SERINC5: variants seen among roughly 807,000 people sequenced by gnomAD.
SERINC5 encodes the protein serine incorporator 5, also known as chromosome 5 open reading frame 12.
In SERINC5, 41 loss-of-function variants were observed where a neutral mutation model predicts 63.1. The ratio of observed to expected loss-of-function variants is 0.65; its 90% CI spans 0.51 to 0.84. The LOEUF (loss-of-function observed/expected upper bound fraction) is 0.84, where lower values mean the gene tolerates loss of function less well. SERINC5 is among the 40% of genes least tolerant of loss of function. SERINC5 has a pLI of 0.00. For missense variants in SERINC5, 523 were observed against 573.0 expected (o/e 0.91, Z 0.89); for synonymous variants, 222 against 215.2 (o/e 1.03, Z -0.28).
rs984352928 is a variant in SERINC5 at position 80,118,203 on chromosome 5, A to C, written c.1239-4578T>G. Among the ~76,000 whole-genome samples, 13 of 150,376 alleles carry C rather than the reference A, an allele frequency of 8.6e-5. No individual in the cohort carries two copies. In the South Asian group the frequency reaches 1.0e-3, roughly 12 times the overall value. On this transcript the variant is annotated intron_variant, in intron 11 of 12. Transcript: ENST00000509193. ...GGGTGACAGAGCAAGACTCCACCTC[A>C]AAAAAAAAATAATAATAATAACTTG...
intron 7 of SERINC5, among the ~76,000 whole-genome samples, chr5:80,161,114 AG>A (rs760120437): frequency 1.3e-5 from 2 of 151,918 alleles, no homozygotes; most frequent in African/African-American, 2.4e-5. Context: ...GGACACTTAA[AG>A]GTGATTCCTT....
chr5:80,158,769 T>A lies in SERINC5; in HGVS notation c.986+67A>T. On this transcript the variant is annotated intron_variant, in intron 8 of 11. Coordinates refer to ENST00000507668, the MANE Select transcript of SERINC5 (RefSeq NM_001174072.3). ...TTGCAGCCTCACAGCTACTGAAAGT[T>A]ATTTCAATTCTTTTCCTGTAATTTT... 2.0e-6 allele frequency: 3 copies of A among 1,518,336 alleles called. No individual in the cohort carries two copies. In the South Asian group the frequency reaches 3.5e-5, roughly 18 times the overall value. 94.1% of individuals were successfully genotyped at this position (1,518,336 alleles called of 1,614,324 possible). A position where few individuals can be genotyped will look rare whatever the true frequency, so the allele number is the denominator to read the frequency against.
At chr5:80,143,849 A>C in intron 11 of SERINC5, 39 bp from the exon 12 acceptor site, 1 of 1,532,780 alleles carries the variant, frequency 6.5e-7, no homozygotes. Context: ...CAAAGCAGGA[A>C]TATATTGAGA....
At chr5:80,129,003 A>G (rs896233323) in intron 11 of SERINC5, 5 of 152,234 alleles carry the variant, frequency 3.3e-5, no homozygotes, top group Non-Finnish European at 2.9e-5. Context: ...TTGGTTCAAG[A>G]CAGCAGCCAT....
chr5:80,164,894 A>C (rs1383164512), intron 7 of SERINC5, among the ~76,000 whole-genome samples: 1 of 149,392 alleles, frequency 6.7e-6, no homozygotes, highest in African/African-American at 2.5e-5. Flanking sequence ...TTGAAATTTA[A>C]AATAACTTTT....
At chr5:80,219,865 T>C (rs955104454) in intron 1 of SERINC5, among the ~76,000 whole-genome samples, 39 of 151,706 alleles carry the variant, frequency 2.6e-4, no homozygotes, top group African/African-American at 7.7e-4. Flanking sequence ...TTGTTTTTTT[T>C]CATTCAGGGT....
chr5:80,221,471 T>C (rs1320393447), intron 1 of SERINC5, among the ~76,000 whole-genome samples: 1 of 152,162 alleles, frequency 6.6e-6, no homozygotes, highest in Non-Finnish European at 1.5e-5. Flanking sequence ...CTGAAAAAGG[T>C]ATCTGTAATT....
chr5:80,239,082 A>G (rs1175742447), intron 1 of SERINC5, among the ~76,000 whole-genome samples: 1 of 152,208 alleles, frequency 6.6e-6, no homozygotes, highest in African/African-American at 2.4e-5. Flanking sequence ...TGTTTCCTGA[A>G]AAAAACTTAT....
At chr5:80,236,505 T>C (rs1751696072) in intron 1 of SERINC5, among the ~76,000 whole-genome samples, 1 of 151,954 alleles carries the variant, frequency 6.6e-6, no homozygotes, top group Non-Finnish European at 1.5e-5. Flanking sequence ...ATCAAATACT[T>C]CAAGTAGCTT....
At chr5:80,118,208 A>C (rs1561345775) in intron 11 of SERINC5, among the ~76,000 whole-genome samples, 1 of 152,120 alleles carries the variant, frequency 6.6e-6, no homozygotes, top group East Asian at 1.9e-4. Context: ...ACCTCAAAAA[A>C]AAAATAATAA....
chr5:80,211,744 C>T (rs908841781), intron 1 of SERINC5, among the ~76,000 whole-genome samples: 1 of 152,202 alleles, frequency 6.6e-6, no homozygotes, highest in Non-Finnish European at 1.5e-5. Flanking sequence ...CACTCTATTG[C>T]TGCATGGTCT....
chr5:80,137,590 C>G (rs1018821318), downstream of SERINC5, among the ~76,000 whole-genome samples: 1 of 147,828 alleles, frequency 6.8e-6, no homozygotes, highest in Admixed American at 6.8e-5. Context: ...TTGCAGTGAG[C>G]CGAGATCATG....
intron 1 of SERINC5, among the ~76,000 whole-genome samples, chr5:80,249,239 T>A (rs940231345): frequency 6.6e-6 from 1 of 151,170 alleles, no homozygotes; most frequent in South Asian, 2.1e-4. Flanking sequence ...GGTGTGAACC[T>A]GGGAGGCGGA....
chr5:80,164,421 G>A (rs556971123), intron 7 of SERINC5, among the ~76,000 whole-genome samples: 1 of 151,896 alleles, frequency 6.6e-6, no homozygotes, highest in African/African-American at 2.4e-5. Context: ...ATTGCCCTGG[G>A]TAGAGTGCAG....
chr5:80,131,948 G>A (rs935841515), intron 11 of SERINC5, among the ~76,000 whole-genome samples: 12 of 152,072 alleles, frequency 7.9e-5, no homozygotes, highest in South Asian at 4.2e-4. Context: ...TCCTTTCACC[G>A]CTTGAAATGC....
chr5:80,111,966 G>T (rs173949), intron 12 of SERINC5, among the ~76,000 whole-genome samples: 19,840 of 152,138 alleles, frequency 0.13, 1,450 homozygotes, highest in South Asian at 0.22. Context: ...AAAAGTCATC[G>T]CCATTCTCCA....
At chr5:80,164,916 T>TTTTTTTG (rs1747180742) in intron 7 of SERINC5, among the ~76,000 whole-genome samples, 1 of 136,326 alleles carries the variant, frequency 7.3e-6, no homozygotes, top group Non-Finnish European at 1.6e-5. Context: ...TTCTGTTTTT[T>TTTTTTTG]TTTTTTTTTT....
At chr5:80,144,524 T>C (rs1294980727) in intron 11 of SERINC5, among the ~76,000 whole-genome samples, 1 of 152,230 alleles carries the variant, frequency 6.6e-6, no homozygotes, top group African/African-American at 2.4e-5. Context: ...ATCTGCCTTT[T>C]TAATTATAGC....
At chr5:80,154,242 C>T (rs935268571) in intron 8 of SERINC5, among the ~76,000 whole-genome samples, 3 of 151,842 alleles carry the variant, frequency 2.0e-5, no homozygotes, top group African/African-American at 4.8e-5. Context: ...TGCAATGGCT[C>T]GATGTCGGCT....
Sources: allele counts gnomAD v4.1 joint callset (sites outside exome capture counted in the v4.1 genomes callset), GRCh38; gene constraint gnomAD v4.1.1; transcripts MANE v1.5; gene names NCBI Gene and HGNC (gene_info 2026-07-23, HGNC 2026-07-21).